MYRIP: variants seen among roughly 807,000 people sequenced by gnomAD.
MYRIP encodes the protein rab effector MyRIP.
MYRIP carries 49 observed loss-of-function variants against 98.0 expected under a neutral mutation model. The ratio of observed to expected loss-of-function variants is 0.50; its 90% CI spans 0.40 to 0.63. MYRIP has a LOEUF of 0.63. MYRIP is among the 30% of genes least tolerant of loss of function. MYRIP has a pLI of 0.00. For synonymous variants in MYRIP, 404 were observed against 409.5 expected (o/e 0.99, Z 0.16); for missense variants, 1,004 against 1,058.2 (o/e 0.95, Z 0.71).
intron 2 of MYRIP, among the ~76,000 whole-genome samples, chr3:40,021,922 A>G (rs1201231161): frequency 6.6e-6 from 1 of 152,188 alleles, no homozygotes; most frequent in Non-Finnish European, 1.5e-5. Flanking sequence ...TAGCTTTCCT[A>G]TGGTGCTTAG....
chr3:39,831,571 A>G (rs537999056), intron 1 of MYRIP, among the ~76,000 whole-genome samples: 1 of 152,246 alleles, frequency 6.6e-6, no homozygotes, highest in East Asian at 1.9e-4. Flanking sequence ...TATTTTTGAA[A>G]TCTGGTGCAT....
intron 2 of MYRIP, among the ~76,000 whole-genome samples, chr3:39,990,533 A>G (rs1044195304): frequency 2.0e-5 from 3 of 152,214 alleles, no homozygotes; most frequent in East Asian, 1.9e-4. Flanking sequence ...AATAATGTCT[A>G]TTAGGTATCT....
At chr3:39,968,317 C>T (rs58144122) in intron 2 of MYRIP, among the ~76,000 whole-genome samples, 2,648 of 152,016 alleles carry the variant, frequency 0.017, 70 homozygotes, top group African/African-American at 0.059. Flanking sequence ...GGACTACAGG[C>T]ACGTGCCACC....
intron 1 of MYRIP, among the ~76,000 whole-genome samples, chr3:39,861,194 C>T (rs58740828): frequency 0.051 from 7,718 of 152,256 alleles, 223 homozygotes; most frequent in African/African-American, 0.065. Context: ...TGCTAGCCCC[C>T]CAGAGTTAGA....
In MYRIP at chr3:39,868,152, A is replaced by G. The variant is rs79907520; in HGVS notation, c.-30-32635A>G. Among the ~76,000 whole-genome samples, 1,384 of 152,300 alleles carry G rather than the reference A, an allele frequency of 9.1e-3. 24 individuals carry two copies. The highest frequency in any genetic ancestry group is 0.032 in the African/African-American group (1,328 of 41,564). On this transcript the variant is annotated intron_variant, in intron 1 of 16. Transcript: ENST00000302541. ...TCCCTAGTGGGCTGAGGTCCATCAC[A>G]GAGGATGGTACCTAAGCATGGGAGG...
chr3:39,840,268 T>A (rs1941762469), intron 1 of MYRIP, among the ~76,000 whole-genome samples: 1 of 152,208 alleles, frequency 6.6e-6, no homozygotes, highest in South Asian at 2.1e-4. Flanking sequence ...TTAAAGTCTG[T>A]TTTATCAGAG....
At position 39,842,753 on chromosome 3, in the gene MYRIP, A is replaced by ACCC. The variant is rs67306630; in HGVS notation, c.-31+32842_-31+32844dup. Among the ~76,000 whole-genome samples, 231 of 151,334 alleles carry ACCC rather than the reference A, an allele frequency of 1.5e-3. 1 individual carries two copies. Among genetic ancestry groups the ACCC allele is most frequent in the African/African-American group, 4.4e-3 (179 of 41,144 alleles). On this transcript the variant is annotated intron_variant, in intron 1 of 16. Transcript: ENST00000302541. ...CTTGCGCTTCCCAGGTGAGGTGATT[A>ACCC]CCCCCCCTGCTTCTGTCTGCCCTCA...
chr3:40,157,684 G>T (rs1292140393), intron 4 of MYRIP, among the ~76,000 whole-genome samples: 1 of 150,438 alleles, frequency 6.6e-6, no homozygotes, highest in South Asian at 2.2e-4. Context: ...CCTGTTATTG[G>T]TCTATTCAGA....
chr3:39,844,412 C>T (rs528278205), intron 1 of MYRIP, among the ~76,000 whole-genome samples: 29 of 152,280 alleles, frequency 1.9e-4, no homozygotes, highest in African/African-American at 4.1e-4. Flanking sequence ...ATAAATCAGA[C>T]GTGAGGTTTC....
At position 40,246,998 on chromosome 3, in the gene MYRIP, CAA is replaced by C. The variant is rs141470691; in HGVS notation, c.2262+2392_2262+2393del. Among the ~76,000 whole-genome samples the C allele has an allele frequency of 3.8e-3, 574 of 152,232 alleles. 1 individual carries two copies. The highest frequency in any genetic ancestry group is 0.013 in the African/African-American group (548 of 41,532). On this transcript the variant is annotated intron_variant, in intron 13 of 16. Transcript: ENST00000302541. Reference sequence around the variant, plus strand: ...AAAATTATTTTCCATAAATTTCACCCAAGACTTAATCAATTTATTGTCAAAGA... The same window carrying C: ...AAAATTATTTTCCATAAATTTCACCCGACTTAATCAATTTATTGTCAAAGA...
chr3:39,978,371 C>T (rs752791800), intron 2 of MYRIP, among the ~76,000 whole-genome samples: 21 of 152,268 alleles, frequency 1.4e-4, no homozygotes, highest in South Asian at 6.2e-4. Flanking sequence ...CAGTGGGTGA[C>T]GAGCACTGTG....
At chr3:40,135,111 T>A (rs954755497) in intron 3 of MYRIP, among the ~76,000 whole-genome samples, 1 of 152,006 alleles carries the variant, frequency 6.6e-6, no homozygotes, top group African/African-American at 2.4e-5. Flanking sequence ...TTTGAACCAA[T>A]GGCAAAGAAG....
intron 2 of MYRIP, among the ~76,000 whole-genome samples, chr3:39,999,763 C>T (rs1400287486): frequency 6.6e-6 from 1 of 152,106 alleles, no homozygotes; most frequent in Non-Finnish European, 1.5e-5. Context: ...ATAGCAAAGA[C>T]TTGGAACCAA....
chr3:39,838,420 G>A (rs1482821086), intron 1 of MYRIP, among the ~76,000 whole-genome samples: 1 of 152,174 alleles, frequency 6.6e-6, no homozygotes, highest in African/African-American at 2.4e-5. Context: ...TAACATGAAG[G>A]AGTGTTGAAT....
At chr3:40,017,526 C>T (rs747468015) in intron 2 of MYRIP, among the ~76,000 whole-genome samples, 1 of 152,144 alleles carries the variant, frequency 6.6e-6, no homozygotes, top group Non-Finnish European at 1.5e-5. Flanking sequence ...CATCTAATTA[C>T]TCATATTTGT....
At chr3:39,810,852 C>G (rs1028080389) in intron 1 of MYRIP, 1 of 152,388 alleles carries the variant, frequency 6.6e-6, no homozygotes, top group East Asian at 1.9e-4. Context: ...CTAAGAGAAG[C>G]GAGTACGCTG....
rs1336009120 is a variant in MYRIP at position 40,190,081 on chromosome 3, C to T, written c.1283C>T (p.Ala428Val). The change falls in exon 10 of 17, where the codon GCC (alanine) becomes GTC (valine). Residue 428 changes from alanine (A) to valine (V), a missense_variant. Physicochemically the swap from Ala to Val is moderately conservative, Grantham distance 64 (BLOSUM62 0). Transcript: ENST00000302541. ...AACCCCCAGCCTCAGCCCACACAGG[C>T]CCAGAGCTCTGACCAAGGCCCCATA... Reference protein sequence around the residue: ...PRNPQPQPTQAQSSDQGPIAA... With the variant: ...PRNPQPQPTQVQSSDQGPIAA... The T allele has an allele frequency of 1.2e-6, 2 of 1,614,010 alleles. No individual in the cohort carries two copies. Among genetic ancestry groups the T allele is most frequent in the East Asian group, 2.2e-5 (1 of 44,858 alleles).
intron 2 of MYRIP, among the ~76,000 whole-genome samples, chr3:40,014,677 C>T (rs954984687): frequency 1.3e-5 from 2 of 152,188 alleles, no homozygotes; most frequent in African/African-American, 4.8e-5. Flanking sequence ...TAGTTTCTAT[C>T]TCTCTGGAAA....
At chr3:39,984,568 A>G (rs573591316) in intron 2 of MYRIP, among the ~76,000 whole-genome samples, 2 of 152,278 alleles carry the variant, frequency 1.3e-5, no homozygotes, top group East Asian at 1.9e-4. Flanking sequence ...ATCATTTTTT[A>G]TGGCTGCATA....
Sources: gnomAD v4.1 joint callset for allele counts (sites outside exome capture counted in the v4.1 genomes callset) on GRCh38, gnomAD v4.1.1 for gene constraint, MANE v1.5 for transcripts, NCBI Gene and HGNC (gene_info 2026-07-23, HGNC 2026-07-21) for gene names.